ZBTB7C: variants seen among roughly 807,000 people sequenced by gnomAD.
ZBTB7C encodes zinc finger and BTB domain containing 7C.
Under a neutral mutation model 25.7 loss-of-function variants are expected in ZBTB7C, and 8 were observed. That is an observed-to-expected ratio of 0.31 (90% CI 0.18 to 0.56). ZBTB7C has a LOEUF of 0.56. Among genes scored for constraint, ZBTB7C ranks in the 20% least tolerant of loss-of-function variants. The pLI is 0.91. For synonymous variants in ZBTB7C, 394 were observed against 369.0 expected (o/e 1.07, Z -0.78); for missense variants, 824 against 855.2 (o/e 0.96, Z 0.46).
intron 3 of ZBTB7C, among the ~76,000 whole-genome samples, chr18:48,166,669 T>C (rs1046404019): frequency 6.6e-6 from 1 of 152,040 alleles, no homozygotes; most frequent in African/African-American, 2.4e-5. Context: ...AAAAGGAGTT[T>C]CCAGCAGGGA....
At chr18:48,313,269 G>A (rs1046818340) in intron 2 of ZBTB7C, among the ~76,000 whole-genome samples, 3 of 152,140 alleles carry the variant, frequency 2.0e-5, no homozygotes, top group South Asian at 2.1e-4. Context: ...CCTAGAGTTC[G>A]GAGTGAGTCT....
chr18:48,188,452 G>C (rs1599063704), intron 2 of ZBTB7C, among the ~76,000 whole-genome samples: 1 of 152,168 alleles, frequency 6.6e-6, no homozygotes, highest in East Asian at 1.9e-4. Context: ...AGAACGGTAT[G>C]GGGGAATCCA....
At chr18:48,199,111 C>T (rs181678697) in intron 2 of ZBTB7C, among the ~76,000 whole-genome samples, 10 of 152,314 alleles carry the variant, frequency 6.6e-5, no homozygotes, top group Non-Finnish European at 1.3e-4. Context: ...TTCTGTGTTC[C>T]GATTTTTGCA....
At chr18:48,039,645 C>T (rs1422870849) in intron 4 of ZBTB7C, among the ~76,000 whole-genome samples, 1 of 152,224 alleles carries the variant, frequency 6.6e-6, no homozygotes, top group East Asian at 1.9e-4. Flanking sequence ...CCTTCCCAGC[C>T]AGAACAGCCC....
chr18:48,359,079 C>T (rs2047043000), intron 1 of ZBTB7C, among the ~76,000 whole-genome samples: 1 of 152,114 alleles, frequency 6.6e-6, no homozygotes, highest in African/African-American at 2.4e-5. Flanking sequence ...GAAACCCATA[C>T]TTCACTCACA....
chr18:48,409,742 T>TGG (rs150116638), upstream of ZBTB7C, among the ~76,000 whole-genome samples: 1 of 151,008 alleles, frequency 6.6e-6, no homozygotes. Context: ...GGAGGCGGAG[T>TGG]GGGGGGGCCG....
intron 2 of ZBTB7C, among the ~76,000 whole-genome samples, chr18:48,279,003 T>G (rs767153375): frequency 1.3e-5 from 2 of 152,040 alleles, no homozygotes; most frequent in Non-Finnish European, 2.9e-5. Context: ...AAAATTAATT[T>G]GAGACAGACA....
chr18:48,196,464 A>G (rs2042320508), intron 2 of ZBTB7C, among the ~76,000 whole-genome samples: 1 of 152,196 alleles, frequency 6.6e-6, no homozygotes, highest in Non-Finnish European at 1.5e-5. Flanking sequence ...AATTTCAGGC[A>G]TCTGCAGTAG....
intron 3 of ZBTB7C, among the ~76,000 whole-genome samples, chr18:48,127,284 C>A (rs2039833710): frequency 6.6e-6 from 1 of 152,234 alleles, no homozygotes; most frequent in South Asian, 2.1e-4. Flanking sequence ...TCAGTCCCAG[C>A]TCAGAGCACC....
chr18:48,240,074 TG>T (rs2043483682), intron 2 of ZBTB7C, among the ~76,000 whole-genome samples: 1 of 152,018 alleles, frequency 6.6e-6, no homozygotes, highest in South Asian at 2.1e-4. Context: ...CAAAATACAC[TG>T]GAAACTTTCA....
At chr18:48,263,111 T>C (rs571762019) in intron 2 of ZBTB7C, among the ~76,000 whole-genome samples, 8 of 152,318 alleles carry the variant, frequency 5.3e-5, no homozygotes, top group African/African-American at 1.9e-4. Flanking sequence ...CAACTCCTCA[T>C]TGTCCCACAA....
chr18:48,115,397 C>T (rs1292199789), intron 3 of ZBTB7C, among the ~76,000 whole-genome samples: 1 of 145,276 alleles, frequency 6.9e-6, no homozygotes, highest in African/African-American at 2.5e-5. Context: ...TACAGGCACC[C>T]GCCACCGCAC....
At chr18:48,332,168 C>T (rs1251869843) in intron 2 of ZBTB7C, among the ~76,000 whole-genome samples, 1 of 152,208 alleles carries the variant, frequency 6.6e-6, no homozygotes, top group Non-Finnish European at 1.5e-5. Flanking sequence ...AAGATTCTCT[C>T]AGTCTATAAC....
intron 3 of ZBTB7C, among the ~76,000 whole-genome samples, chr18:48,140,179 G>A (rs1386989498): frequency 1.3e-5 from 2 of 152,180 alleles, no homozygotes; most frequent in Non-Finnish European, 2.9e-5. Flanking sequence ...ACCTCAGCAG[G>A]GCCTAGTCAT....
At chr18:48,330,751 G>T (rs139125944) in intron 2 of ZBTB7C, among the ~76,000 whole-genome samples, 7 of 152,094 alleles carry the variant, frequency 4.6e-5, no homozygotes, top group Admixed American at 1.3e-4. Context: ...AGAAGAAAAG[G>T]GGGTGGAGAC....
intron 3 of ZBTB7C, among the ~76,000 whole-genome samples, chr18:48,181,756 G>T (rs916634433): frequency 1.3e-5 from 2 of 152,164 alleles, no homozygotes; most frequent in African/African-American, 2.4e-5. Context: ...GGGGTTGCAG[G>T]TTCCAGAGTA....
At chr18:48,155,653 A>G (rs2040820785) in intron 3 of ZBTB7C, among the ~76,000 whole-genome samples, 1 of 152,004 alleles carries the variant, frequency 6.6e-6, no homozygotes, top group Non-Finnish European at 1.5e-5. Flanking sequence ...TATTCTTTAC[A>G]TGTTATATAG....
At chr18:48,093,620 A>AAC (rs1489891719) in intron 3 of ZBTB7C, among the ~76,000 whole-genome samples, 22 of 152,076 alleles carry the variant, frequency 1.4e-4, no homozygotes, top group East Asian at 3.9e-4. Context: ...AAAAAAAACA[A>AAC]AAAAAACACA....
chr18:48,201,991 G>A (rs1289146370), intron 2 of ZBTB7C, among the ~76,000 whole-genome samples: 5 of 152,186 alleles, frequency 3.3e-5, no homozygotes, highest in Non-Finnish European at 7.3e-5. Context: ...TGATTTGACC[G>A]CTTCCCAATC....
Sources: gnomAD v4.1 joint callset for allele counts (sites outside exome capture counted in the v4.1 genomes callset) on GRCh38, gnomAD v4.1.1 for gene constraint, MANE v1.5 for transcripts, NCBI Gene and HGNC (gene_info 2026-07-23, HGNC 2026-07-21) for gene names.